Variants in IL1RAPL2 observed in about 807,000 individuals in gnomAD.
The protein encoded by IL1RAPL2 is interleukin 1 receptor accessory protein like 2.
In IL1RAPL2, 3 loss-of-function variants were observed where a neutral mutation model predicts 44.1. The ratio of observed to expected loss-of-function variants is 0.07; its 90% CI spans 0.03 to 0.18. The LOEUF (loss-of-function observed/expected upper bound fraction) is 0.18. Among genes scored for constraint, IL1RAPL2 ranks in the 10% least tolerant of loss-of-function variants. IL1RAPL2 has a pLI of 1.00. For missense variants in IL1RAPL2, 391 were observed against 496.4 expected (o/e 0.79, Z 2.02); for synonymous variants, 181 against 178.8 (o/e 1.01, Z -0.10).
intron 6 of IL1RAPL2, among the ~76,000 whole-genome samples, chrX:105,710,738 C>T (rs2038202857): frequency 9.2e-6 from 1 of 109,228 alleles, no homozygotes; most frequent in African/African-American, 3.3e-5. Flanking sequence ...CAGTTAATTC[C>T]TATCTGAGCC....
intron 5 of IL1RAPL2, among the ~76,000 whole-genome samples, chrX:105,339,556 A>G (rs940749423): frequency 2.7e-5 from 3 of 111,655 alleles, no homozygotes; most frequent in African/African-American, 9.8e-5. Flanking sequence ...ATCAATTTTA[A>G]AAAATCAAAA....
intron 2 of IL1RAPL2, among the ~76,000 whole-genome samples, chrX:104,842,963 T>C (rs1921950603): frequency 8.9e-6 from 1 of 112,679 alleles, no homozygotes; most frequent in Non-Finnish European, 1.9e-5. Context: ...CTGTCTTCAG[T>C]GCTGGCAGGC....
chrX:105,287,753 T>C (rs1400614842), intron 5 of IL1RAPL2, among the ~76,000 whole-genome samples: 2 of 111,335 alleles, frequency 1.8e-5, no homozygotes, highest in Non-Finnish European at 3.8e-5. Context: ...TAAGTGATGA[T>C]TAGGTTTCTT....
chrX:105,677,456 C>A (rs941296693), intron 6 of IL1RAPL2, among the ~76,000 whole-genome samples: 1 of 112,338 alleles, frequency 8.9e-6, no homozygotes, highest in Non-Finnish European at 1.9e-5. Context: ...TCACCAGGCT[C>A]TATAGAACAA....
chrX:104,754,156 T>C (rs1251788292), intron 2 of IL1RAPL2, among the ~76,000 whole-genome samples: 1 of 111,422 alleles, frequency 9.0e-6, no homozygotes, highest in Non-Finnish European at 1.9e-5. Context: ...TTCACTCTGC[T>C]AATGAAACTT....
intron 6 of IL1RAPL2, among the ~76,000 whole-genome samples, chrX:105,566,459 G>T (rs1313697889): frequency 9.0e-6 from 1 of 111,555 alleles, no homozygotes; most frequent in Non-Finnish European, 1.9e-5. Context: ...CAAGCCATCT[G>T]CTCTATTTCT....
At chrX:105,637,977 C>T (rs927697167) in intron 6 of IL1RAPL2, among the ~76,000 whole-genome samples, 5 of 111,920 alleles carry the variant, frequency 4.5e-5, no homozygotes, top group South Asian at 3.7e-4. Context: ...GAGCCTCTGA[C>T]GAAAATCTGA....
rs138934934 is a variant in IL1RAPL2 at position 105,131,657 on chromosome X, C to T, written c.83-63818C>T. Among the ~76,000 whole-genome samples, 510 of 110,077 alleles carry T rather than the reference C, an allele frequency of 4.6e-3. 6 individuals are homozygous for T. Among genetic ancestry groups the T allele is most frequent in the African/African-American group, 0.015 (469 of 30,402 alleles). On this transcript the variant is annotated intron_variant, in intron 2 of 10. Coordinates refer to ENST00000372582, the MANE Select transcript of IL1RAPL2 (RefSeq NM_017416.2). Reference sequence around the variant, plus strand: ...TCTTCCAAACGCTAATATAATTTATCCTCAAGTTGAGCAGGTAGTTCTTGA... The same window carrying T: ...TCTTCCAAACGCTAATATAATTTATTCTCAAGTTGAGCAGGTAGTTCTTGA...
At chrX:105,104,224 C>T (rs973759890) in intron 2 of IL1RAPL2, among the ~76,000 whole-genome samples, 8 of 110,692 alleles carry the variant, frequency 7.2e-5, no homozygotes, top group South Asian at 8.0e-4. Flanking sequence ...TAGCTATAAG[C>T]GTTTTATCTC....
At chrX:105,639,396 G>A (rs1169137940) in intron 6 of IL1RAPL2, among the ~76,000 whole-genome samples, 2 of 111,232 alleles carry the variant, frequency 1.8e-5, no homozygotes, top group South Asian at 3.8e-4. Flanking sequence ...TCTTGCTCTC[G>A]TGAAATCAGG....
chrX:105,011,401 C>T (rs952040663), intron 2 of IL1RAPL2, among the ~76,000 whole-genome samples: 7 of 110,904 alleles, frequency 6.3e-5, no homozygotes, highest in African/African-American at 2.0e-4. Context: ...ACCATAAAAA[C>T]CACCCATTTT....
chrX:104,619,731 T>C (rs1047493048), intron 1 of IL1RAPL2, among the ~76,000 whole-genome samples: 1 of 112,332 alleles, frequency 8.9e-6, no homozygotes, highest in African/African-American at 3.2e-5. Flanking sequence ...CATATATCTA[T>C]AGACCAACAT....
chrX:104,992,811 A>G (rs1050991187), intron 2 of IL1RAPL2, among the ~76,000 whole-genome samples: 2 of 110,686 alleles, frequency 1.8e-5, no homozygotes, highest in Admixed American at 1.9e-4. Flanking sequence ...TTACAATTAT[A>G]CCAACATCAG....
chrX:105,263,857 C>T (rs2034380251), intron 4 of IL1RAPL2, among the ~76,000 whole-genome samples: 2 of 111,299 alleles, frequency 1.8e-5, no homozygotes, highest in South Asian at 3.8e-4. Flanking sequence ...GTTTAATAGT[C>T]CCAGGGACAA....
intron 2 of IL1RAPL2, among the ~76,000 whole-genome samples, chrX:104,725,315 G>T (rs1362356980): frequency 9.0e-6 from 1 of 111,663 alleles, no homozygotes; most frequent in Non-Finnish European, 1.9e-5. Context: ...TCAAGTTTTT[G>T]CTATTGTGAA....
chrX:105,362,745 G>A (rs2147712373), intron 5 of IL1RAPL2, among the ~76,000 whole-genome samples: 1 of 111,388 alleles, frequency 9.0e-6, no homozygotes, highest in African/African-American at 3.2e-5. Flanking sequence ...AATGATCAGT[G>A]TGATTTATTT....
chrX:104,798,550 C>T (rs1316182044), intron 2 of IL1RAPL2, among the ~76,000 whole-genome samples: 2 of 110,439 alleles, frequency 1.8e-5, no homozygotes, highest in Non-Finnish European at 3.8e-5. Flanking sequence ...CCTGTAGTCC[C>T]AGCTACTCGG....
At chrX:105,231,692 G>C (rs373828322) in intron 3 of IL1RAPL2, among the ~76,000 whole-genome samples, 1 of 112,079 alleles carries the variant, frequency 8.9e-6, no homozygotes, top group South Asian at 3.7e-4. Context: ...ATAAGAGCAA[G>C]TACAAAGGCC....
chrX:105,358,615 C>T (rs1659304784), intron 5 of IL1RAPL2, among the ~76,000 whole-genome samples: 1 of 101,981 alleles, frequency 9.8e-6, no homozygotes, highest in Non-Finnish European at 2.0e-5. Flanking sequence ...GTCGAGGCTG[C>T]AGTGAGCTGT....
Sources: allele counts gnomAD v4.1 joint callset (sites outside exome capture counted in the v4.1 genomes callset), GRCh38; gene constraint gnomAD v4.1.1; transcripts MANE v1.5; gene names NCBI Gene and HGNC (gene_info 2026-07-23, HGNC 2026-07-21).